Variants in ERCC6L2 observed in about 807,000 individuals in gnomAD.
The protein encoded by ERCC6L2 is ERCC excision repair 6 like 2, also known as DNA excision repair protein ERCC-6-like 2.
A neutral mutation model predicts 132.0 loss-of-function variants in ERCC6L2; 77 were observed. That is an observed-to-expected ratio of 0.58 (90% CI 0.49 to 0.71). The LOEUF is 0.71. Ranked by LOEUF, ERCC6L2 falls within the 30% of genes least tolerant of loss-of-function variation. ERCC6L2 has a pLI of 0.00. For missense variants in ERCC6L2, 1,542 were observed against 1,837.6 expected (o/e 0.84, Z 2.94); for synonymous variants, 583 against 632.4 (o/e 0.92, Z 1.17).
At chr9:95,893,521 G>A (rs1317273869) in intron 2 of ERCC6L2, among the ~76,000 whole-genome samples, 4 of 152,180 alleles carry the variant, frequency 2.6e-5, no homozygotes, top group African/African-American at 9.6e-5. Flanking sequence ...GTCTGTTACA[G>A]ATTGGCATTA....
At chr9:95,997,067 T>C (rs675489) in intron 17 of ERCC6L2, among the ~76,000 whole-genome samples, 65,727 of 152,060 alleles carry the variant, frequency 0.43, 14,422 homozygotes, top group African/African-American at 0.48. Flanking sequence ...ACTCCATCTC[T>C]AAAAATTAAA....
At chr9:96,000,914 C>T (rs996048314) in intron 17 of ERCC6L2, among the ~76,000 whole-genome samples, 1 of 152,178 alleles carries the variant, frequency 6.6e-6, no homozygotes, top group Non-Finnish European at 1.5e-5. Flanking sequence ...CGTGGACCCT[C>T]GCGGTGAGTG....
At chr9:95,938,586 C>A (rs575475918) in intron 11 of ERCC6L2, among the ~76,000 whole-genome samples, 57 of 152,198 alleles carry the variant, frequency 3.7e-4, no homozygotes, top group Admixed American at 9.2e-4. Flanking sequence ...CCTCTTTTAA[C>A]TATTAACTTT....
intron 17 of ERCC6L2, among the ~76,000 whole-genome samples, chr9:95,986,764 T>G (rs1833112600): frequency 6.6e-6 from 1 of 152,186 alleles, no homozygotes; most frequent in Non-Finnish European, 1.5e-5. Flanking sequence ...CCCAAAGTGC[T>G]GGGATTACAG....
At chr9:95,900,947 G>A (rs1459335567) in intron 3 of ERCC6L2, among the ~76,000 whole-genome samples, 1 of 152,000 alleles carries the variant, frequency 6.6e-6, no homozygotes, top group African/African-American at 2.4e-5. Context: ...GGTGGCTTGT[G>A]CCTGTAGTCC....
chr9:95,894,609 T>C (rs1032796216), intron 2 of ERCC6L2, among the ~76,000 whole-genome samples: 116 of 146,360 alleles, frequency 7.9e-4, no homozygotes, highest in Middle Eastern at 3.5e-3. Flanking sequence ...TTTTTTTTTT[T>C]TTGAGACGGA....
chr9:95,895,221 G>C (rs1013715173), intron 2 of ERCC6L2, among the ~76,000 whole-genome samples: 1 of 151,588 alleles, frequency 6.6e-6, no homozygotes, highest in East Asian at 1.9e-4. Flanking sequence ...TTTTGTCTCA[G>C]CATCTTTATC....
intron 17 of ERCC6L2, among the ~76,000 whole-genome samples, chr9:95,985,491 G>A (rs1187713344): frequency 1.3e-5 from 2 of 152,142 alleles, no homozygotes; most frequent in South Asian, 2.1e-4. Context: ...CATAAATGCT[G>A]GTGTTCTTCA....
chr9:95,897,132 C>G (rs907067335), intron 2 of ERCC6L2, among the ~76,000 whole-genome samples: 2 of 151,896 alleles, frequency 1.3e-5, no homozygotes, highest in Non-Finnish European at 2.9e-5. Flanking sequence ...ACCTTTCTTC[C>G]CAATCTTTAA....
intron 17 of ERCC6L2, among the ~76,000 whole-genome samples, chr9:95,992,770 A>G (rs532731875): frequency 6.6e-6 from 1 of 152,278 alleles, no homozygotes; most frequent in Admixed American, 6.5e-5. Context: ...GAGGAGCCTA[A>G]GCTAGCCACT....
chr9:95,946,296 A>C (rs368518710), intron 12 of ERCC6L2, among the ~76,000 whole-genome samples: 7 of 152,272 alleles, frequency 4.6e-5, no homozygotes, highest in African/African-American at 1.7e-4. Flanking sequence ...TGGGAGGCCA[A>C]CGTGGGCGGA....
intron 17 of ERCC6L2, among the ~76,000 whole-genome samples, chr9:95,990,336 G>C (rs1039738677): frequency 6.6e-6 from 1 of 152,226 alleles, no homozygotes; most frequent in Non-Finnish European, 1.5e-5. Context: ...AAGGTATCAA[G>C]TATGTGTTGA....
chr9:96,032,225 A>G (rs956608367), intron 19 of ERCC6L2, among the ~76,000 whole-genome samples: 1 of 151,848 alleles, frequency 6.6e-6, no homozygotes, highest in African/African-American at 2.4e-5. Context: ...AAGGCCAGGG[A>G]CCCCAGATCT....
At chr9:95,916,564 G>C (rs971975704) in intron 6 of ERCC6L2, 130 bp downstream of exon 6, 103 of 652,588 alleles carry the variant, frequency 1.6e-4, no homozygotes, top group Non-Finnish European at 2.3e-4. Context: ...GGAAAAAATT[G>C]TTGCGCGCAG....
chr9:96,035,348 T>C (rs1041895162), intron 19 of ERCC6L2, among the ~76,000 whole-genome samples: 3 of 152,162 alleles, frequency 2.0e-5, no homozygotes, highest in African/African-American at 7.2e-5. Flanking sequence ...AGCCCGCCCC[T>C]GGCTGCCCAT....
intron 12 of ERCC6L2, among the ~76,000 whole-genome samples, chr9:95,950,801 CAACA>C (rs1831295708): frequency 6.6e-6 from 1 of 152,072 alleles, no homozygotes; most frequent in South Asian, 2.1e-4. Flanking sequence ...TACATAAATT[CAACA>C]AACAATAGAG....
chr9:95,947,230 A>G (rs1286254794), intron 12 of ERCC6L2, among the ~76,000 whole-genome samples: 1 of 152,208 alleles, frequency 6.6e-6, no homozygotes, highest in South Asian at 2.1e-4. Context: ...GAACACATGA[A>G]TGACAAGAGC....
chr9:95,915,960 G>A, intron 5 of ERCC6L2, 131 bp downstream of exon 5: 2 of 929,922 alleles, frequency 2.2e-6, no homozygotes, highest in East Asian at 2.6e-5. Flanking sequence ...GATCCCAGAT[G>A]TGGTATACAC....
chr9:96,001,779 G>A (rs1439241209), intron 17 of ERCC6L2, among the ~76,000 whole-genome samples: 6 of 152,240 alleles, frequency 3.9e-5, no homozygotes, highest in East Asian at 3.9e-4. Flanking sequence ...GGTGGCGCTC[G>A]TCGGGGAGGC....
Sources: gnomAD v4.1 joint callset for allele counts (sites outside exome capture counted in the v4.1 genomes callset) on GRCh38, gnomAD v4.1.1 for gene constraint, MANE v1.5 for transcripts, NCBI Gene and HGNC (gene_info 2026-07-23, HGNC 2026-07-21) for gene names.